The following ZNHIT6 variants were observed in gnomAD, a reference collection of about 807,000 sequenced individuals.
ZNHIT6 encodes zinc finger HIT-type containing 6, also known as box C/D snoRNA protein 1.
A neutral mutation model predicts 57.2 loss-of-function variants in ZNHIT6; 45 were observed. The ratio of observed to expected loss-of-function variants is 0.79; its 90% CI spans 0.62 to 1.01. ZNHIT6 has a LOEUF of 1.01. ZNHIT6 is among the 50% of genes least tolerant of loss of function. The pLI, the probability that ZNHIT6 is intolerant of heterozygous loss-of-function variation, is 0.00. For missense variants in ZNHIT6, 528 were observed against 567.3 expected, an observed-to-expected ratio of 0.93 and a Z score of 0.70; for synonymous variants, 188 against 190.0, an observed-to-expected ratio of 0.99 and a Z score of 0.09.
chr1:85,692,255 T>G (rs536802820), intron 5 of ZNHIT6, among the ~76,000 whole-genome samples: 1 of 152,232 alleles, frequency 6.6e-6, no homozygotes, highest in African/African-American at 2.4e-5. Flanking sequence ...AAGGCTTCCT[T>G]AACTGAATCA....
Position 85,653,346 on chromosome 1 carries a change from G to C in ZNHIT6, c.*712C>G, listed in dbSNP as rs1377065418. On this transcript the variant is annotated 3_prime_UTR_variant, in exon 10 of 10. Coordinates refer to ENST00000370574, the MANE Select transcript of ZNHIT6 (RefSeq NM_017953.4). ...AGAAAGGGCAACTGATAGAAGATTA[G>C]TTCTCCTGTGGCTAGACGGTGCGTT... 6.6e-6 allele frequency: 1 copy of C among 152,180 alleles called. No homozygotes were observed. Among genetic ancestry groups the C allele is most frequent in the African/African-American group, 2.4e-5 (1 of 41,440 alleles). The allele number at this position is 152,180 out of a possible 1,614,324, so 9.4% of individuals were successfully genotyped here.
chr1:85,687,787 C>T (rs966015757), intron 5 of ZNHIT6, among the ~76,000 whole-genome samples: 1 of 152,176 alleles, frequency 6.6e-6, no homozygotes, highest in African/African-American at 2.4e-5. Context: ...GCTAGACATT[C>T]CACATGTCTG....
intron 8 of ZNHIT6, among the ~76,000 whole-genome samples, chr1:85,661,837 G>A (rs1557835793): frequency 6.6e-6 from 1 of 152,106 alleles, no homozygotes; most frequent in Non-Finnish European, 1.5e-5. Context: ...AAACTACTTA[G>A]GTTTGGAGGA....
At chr1:85,700,872 T>C (rs556216882) in intron 5 of ZNHIT6, among the ~76,000 whole-genome samples, 8 of 152,254 alleles carry the variant, frequency 5.3e-5, no homozygotes, top group African/African-American at 1.7e-4. Flanking sequence ...AGTGGTGCAA[T>C]CTTGGCTCAC....
Position 85,649,788 on chromosome 1 carries a change from T to C in ZNHIT6, c.*4270A>G, listed in dbSNP as rs984461017. On this transcript the variant is annotated 3_prime_UTR_variant, in exon 10 of 10. Coordinates refer to ENST00000370574, the MANE Select transcript of ZNHIT6 (RefSeq NM_017953.4). ...CTGGGAAAAATTTCCAAATTGGTAA[T>C]GGAAACATATGCTATGTGCATCTGC... 3.9e-5 allele frequency: 6 copies of C among 152,014 alleles called. No homozygotes were observed. Among genetic ancestry groups the C allele is most frequent in the Non-Finnish European group, 8.8e-5 (6 of 68,008 alleles). The allele number at this position is 152,014 out of a possible 1,614,324, so 9.4% of individuals were successfully genotyped here. A position where few individuals can be genotyped will look rare whatever the true frequency, so the allele number is the denominator to read the frequency against.
At chr1:85,678,802 A>G in intron 6 of ZNHIT6, 21 bp from the exon 7 acceptor site, 1 of 1,315,506 alleles carries the variant, frequency 7.6e-7, no homozygotes, top group Non-Finnish European at 1.0e-6. Flanking sequence ...AAGAAAAAAA[A>G]ACAAGCTATA....
chr1:85,699,481 A>G (rs1396879844), intron 5 of ZNHIT6, among the ~76,000 whole-genome samples: 1 of 152,132 alleles, frequency 6.6e-6, no homozygotes, highest in Non-Finnish European at 1.5e-5. Flanking sequence ...TGCAGTGGAC[A>G]TCTGGCAATG....
chr1:85,704,570 A>C (rs912409594), intron 4 of ZNHIT6, among the ~76,000 whole-genome samples: 2 of 152,082 alleles, frequency 1.3e-5, no homozygotes, highest in African/African-American at 4.8e-5. Context: ...GTGTATTTCC[A>C]TTTTGTGATG....
chr1:85,687,288 C>CA (rs1358501791), intron 5 of ZNHIT6, among the ~76,000 whole-genome samples: 8 of 75,234 alleles, frequency 1.1e-4, no homozygotes, highest in African/African-American at 3.4e-4. Flanking sequence ...TCTCAAAAAA[C>CA]AAAAAAAAAA....
intron 9 of ZNHIT6, among the ~76,000 whole-genome samples, chr1:85,654,538 AAAG>A (rs1462960570): frequency 6.6e-6 from 1 of 152,158 alleles, no homozygotes; most frequent in Non-Finnish European, 1.5e-5. Context: ...CTTTCACAGG[AAAG>A]AAGAATAGAA....
chr1:85,657,689 T>G (rs1661099274), intron 9 of ZNHIT6, among the ~76,000 whole-genome samples, 158 bp downstream of exon 9: 1 of 152,166 alleles, frequency 6.6e-6, no homozygotes, highest in Non-Finnish European at 1.5e-5. Flanking sequence ...GTAGCAGCAT[T>G]GCATTTACCT....
At chr1:85,664,060 G>A (rs990030327) in intron 8 of ZNHIT6, among the ~76,000 whole-genome samples, 6 of 152,062 alleles carry the variant, frequency 3.9e-5, no homozygotes, top group Admixed American at 3.9e-4. Flanking sequence ...AATATTGCAG[G>A]GGTCTCTGTA....
At position 85,650,703 on chromosome 1, in the gene ZNHIT6, G is replaced by A. The variant is rs1003056282; in HGVS notation, c.*3355C>T. The A allele has an allele frequency of 2.6e-5, 4 of 152,188 alleles. No homozygotes were observed. Among genetic ancestry groups the A allele is most frequent in the Non-Finnish European group, 5.9e-5 (4 of 68,058 alleles). The allele number at this position is 152,188 out of a possible 1,614,324, so 9.4% of individuals were successfully genotyped here. On this transcript the variant is annotated 3_prime_UTR_variant, in exon 10 of 10. Transcript: ENST00000370574. Reference sequence around the variant, plus strand: ...TCCACTCTTGGTACAAAGTGAAAGGGGAGTAGGTATGTGCAAAGAGATCAC... The same window carrying A: ...TCCACTCTTGGTACAAAGTGAAAGGAGAGTAGGTATGTGCAAAGAGATCAC...
chr1:85,654,107 A>C lies in ZNHIT6; in HGVS notation c.1373-9T>G. 1 of 1,610,384 alleles carries C rather than the reference A, an allele frequency of 6.2e-7. No individual in the cohort carries two copies. The highest frequency in any genetic ancestry group is 1.7e-5 in the Admixed American group (1 of 59,524). On this transcript the variant is annotated splice_polypyrimidine_tract_variant and intron_variant, in intron 9 of 9. Transcript: ENST00000370574. ...GGTAGATTCACTCTTCACTAGAAAA[A>C]AATAAGTAAACATACAGTCAAGTGT... is the stretch of plus-strand genomic sequence containing the variant.
At chr1:85,654,248 T>C (rs1660996230) in intron 9 of ZNHIT6, 150 bp from the exon 10 acceptor site, 2 of 598,680 alleles carry the variant, frequency 3.3e-6, no homozygotes, top group Non-Finnish European at 2.9e-6. Flanking sequence ...AGCTAGGATA[T>C]ACAATTCTGG....
chr1:85,707,729 T>C lies in ZNHIT6; in HGVS notation c.556A>G (p.Lys186Glu), dbSNP rs763909310. The change falls in exon 1 of 10, where the codon AAG becomes GAG. Residue 186 changes from lysine (K) to glutamate (E), a missense_variant. Lys to Glu is a moderately conservative substitution (Grantham distance 56). Coordinates refer to ENST00000370574, the MANE Select transcript of ZNHIT6 (RefSeq NM_017953.4). Reference sequence around the variant, plus strand: ...ACGATTTCTTTCTTCAGGAAATCCTTCTCTTCTTTTACACACTCTCCATGC... The same window carrying C: ...ACGATTTCTTTCTTCAGGAAATCCTCCTCTTCTTTTACACACTCTCCATGC... Reference protein sequence around the residue: ...LMHGECVKEEKDFLKKEIVDD... With the variant: ...LMHGECVKEEEDFLKKEIVDD... 3 of 1,613,282 alleles carry C rather than the reference T, an allele frequency of 1.9e-6. No homozygotes were observed. In the East Asian group the frequency reaches 6.7e-5, roughly 36 times the overall value.
intron 8 of ZNHIT6, among the ~76,000 whole-genome samples, chr1:85,673,484 T>G (rs992561029): frequency 2.0e-5 from 3 of 152,130 alleles, no homozygotes; most frequent in African/African-American, 7.2e-5. Context: ...CATGAGACAA[T>G]TGCTATATAC....
intron 5 of ZNHIT6, among the ~76,000 whole-genome samples, chr1:85,692,134 A>G (rs1662238193): frequency 6.6e-6 from 1 of 152,156 alleles, no homozygotes; most frequent in African/African-American, 2.4e-5. Flanking sequence ...GAGTGAGGTA[A>G]GAAGGGCCTG....
chr1:85,691,961 G>T (rs1445584894), intron 5 of ZNHIT6, among the ~76,000 whole-genome samples: 2 of 151,692 alleles, frequency 1.3e-5, no homozygotes, highest in Non-Finnish European at 2.9e-5. Flanking sequence ...CTGAGGTCAG[G>T]AGTTCAAGAC....
Sources: gnomAD v4.1 joint callset for allele counts (sites outside exome capture counted in the v4.1 genomes callset) on GRCh38, gnomAD v4.1.1 for gene constraint, MANE v1.5 for transcripts, NCBI Gene and HGNC (gene_info 2026-07-23, HGNC 2026-07-21) for gene names.